The following NCAM2 variants were observed in gnomAD, a reference collection of about 807,000 sequenced individuals.
NCAM2 encodes the protein N-CAM-2.
A neutral mutation model predicts 98.1 loss-of-function variants in NCAM2; 30 were observed. That is an observed-to-expected ratio of 0.31 (90% CI 0.23 to 0.41). The LOEUF is 0.41. NCAM2 is among the 10% of genes least tolerant of loss of function. The probability of loss-of-function intolerance (pLI) is 1.00; values close to 1 mark genes in which losing one functional copy is unlikely to be tolerated. For missense variants in NCAM2, 867 were observed against 1,005.8 expected (o/e 0.86, Z 1.87); for synonymous variants, 368 against 342.4 (o/e 1.07, Z -0.83).
chr21:21,438,741 C>A (rs927853105), intron 12 of NCAM2, among the ~76,000 whole-genome samples: 2 of 152,024 alleles, frequency 1.3e-5, no homozygotes, highest in African/African-American at 4.8e-5. Context: ...TTACAAACAG[C>A]TACTCTTTTT....
In NCAM2 at chr21:21,125,490, A is replaced by G. The variant is rs1412412398; in HGVS notation, c.55+126872A>G. Among the ~76,000 whole-genome samples the G allele has an allele frequency of 3.0e-3, 208 of 69,740 alleles. 22 individuals are homozygous for G. Among genetic ancestry groups the G allele is most frequent in the African/African-American group, 0.01 (203 of 20,070 alleles). 45.8% of individuals were successfully genotyped at this position (69,740 alleles called of 152,430 possible). A position where few individuals can be genotyped will look rare whatever the true frequency, so the allele number is the denominator to read the frequency against. ...GATATATATATCTATATATAGATAT[A>G]TATGTAATATGTAATATTTTACATA... is the stretch of plus-strand genomic sequence containing the variant. On this transcript the variant is annotated intron_variant, in intron 1 of 17. Coordinates refer to ENST00000400546, the MANE Select transcript of NCAM2 (RefSeq NM_004540.5).
chr21:21,326,368 A>G (rs942801551), intron 6 of NCAM2, among the ~76,000 whole-genome samples: 1 of 152,178 alleles, frequency 6.6e-6, no homozygotes, highest in Non-Finnish European at 1.5e-5. Flanking sequence ...TAATATTAGA[A>G]CACTTACCAT....
intron 7 of NCAM2, 146 bp from the exon 8 acceptor site, chr21:21,338,243 C>T: frequency 1.4e-6 from 1 of 691,366 alleles, no homozygotes; most frequent in Non-Finnish European, 2.3e-6. Context: ...CCTGGTACGT[C>T]TGTAAGGCAA....
At chr21:21,479,983 G>C (rs1985685866) in intron 15 of NCAM2, among the ~76,000 whole-genome samples, 1 of 152,008 alleles carries the variant, frequency 6.6e-6, no homozygotes, top group Admixed American at 6.6e-5. Context: ...TGAGTACAAA[G>C]GATTTATCTG....
At chr21:21,363,403 C>A (rs1264162421) in intron 8 of NCAM2, among the ~76,000 whole-genome samples, 2 of 152,016 alleles carry the variant, frequency 1.3e-5, no homozygotes, top group Non-Finnish European at 2.9e-5. Context: ...ATACAATTTG[C>A]CTCAATTTTC....
At chr21:21,364,006 G>C (rs2075721563) in intron 8 of NCAM2, among the ~76,000 whole-genome samples, 1 of 151,962 alleles carries the variant, frequency 6.6e-6, no homozygotes, top group Non-Finnish European at 1.5e-5. Flanking sequence ...TAAATTACCT[G>C]TTCTTCATGG....
intron 1 of NCAM2, among the ~76,000 whole-genome samples, chr21:21,229,476 C>T (rs532527029): frequency 6.6e-6 from 1 of 151,456 alleles, no homozygotes; most frequent in African/African-American, 2.4e-5. Context: ...GTGTTGTGGA[C>T]ATTTGCAGAT....
In NCAM2 at chr21:20,998,574, T is replaced by C; in HGVS notation, c.11T>C (p.Leu4Pro). Reference sequence around the variant, plus strand: ...TGTCACGTCCTGAACATGAGCCTCCTCCTCTCCTTCTACCTGCTGGGGTTG... The same window carrying C: ...TGTCACGTCCTGAACATGAGCCTCCCCCTCTCCTTCTACCTGCTGGGGTTG... MSL[L>P]LSFYLLGLLV... The change falls in exon 1 of 18, where the codon CTC (leucine) becomes CCC (proline). Residue 4 changes from leucine to proline, a missense_variant. Coordinates refer to ENST00000400546, the MANE Select transcript of NCAM2 (RefSeq NM_004540.5). 1 of 1,614,020 alleles carries C rather than the reference T, an allele frequency of 6.2e-7. No homozygotes were observed. The highest frequency in any genetic ancestry group is 8.5e-7 in the Non-Finnish European group (1 of 1,179,968).
chr21:21,498,748 G>A (rs1987425275), intron 15 of NCAM2, among the ~76,000 whole-genome samples: 1 of 152,102 alleles, frequency 6.6e-6, no homozygotes, highest in Non-Finnish European at 1.5e-5. Flanking sequence ...GATTCACTTT[G>A]TAACAATCTT....
intron 12 of NCAM2, among the ~76,000 whole-genome samples, chr21:21,459,522 TTATA>T (rs1295937820): frequency 6.7e-6 from 1 of 148,266 alleles, no homozygotes; most frequent in Non-Finnish European, 1.5e-5. Flanking sequence ...TTTATATATA[TTATA>T]TATAATATTG....
chr21:21,024,648 G>A (rs569153980), intron 1 of NCAM2, among the ~76,000 whole-genome samples: 37 of 152,190 alleles, frequency 2.4e-4, no homozygotes, highest in Non-Finnish European at 4.4e-4. Context: ...AGGCCGAGGC[G>A]GATGATAACC....
intron 1 of NCAM2, among the ~76,000 whole-genome samples, chr21:21,085,175 T>TGTTGTTATTGTAATG (rs1166898964): frequency 1.3e-5 from 2 of 150,994 alleles, no homozygotes; most frequent in Non-Finnish European, 2.9e-5. Context: ...GTTATTGTAA[T>TGTTGTTATTGTAATG]TAACCATTAT....
At chr21:21,213,644 C>A (rs1271664190) in intron 1 of NCAM2, among the ~76,000 whole-genome samples, 1 of 152,168 alleles carries the variant, frequency 6.6e-6, no homozygotes, top group Non-Finnish European at 1.5e-5. Context: ...TCTCCAAAGA[C>A]TCAGGCCCAT....
At chr21:21,177,965 C>T (rs1046521937) in intron 1 of NCAM2, among the ~76,000 whole-genome samples, 1 of 151,922 alleles carries the variant, frequency 6.6e-6, no homozygotes, top group Non-Finnish European at 1.5e-5. Flanking sequence ...TTGATAATGT[C>T]TGTCACATAT....
At chr21:21,483,538 A>G (rs78102081) in intron 15 of NCAM2, among the ~76,000 whole-genome samples, 9 of 152,046 alleles carry the variant, frequency 5.9e-5, no homozygotes, top group Non-Finnish European at 1.3e-4. Flanking sequence ...AGATAATTCA[A>G]CATGAACAGA....
chr21:21,256,853 A>T (rs1361415347), intron 1 of NCAM2, among the ~76,000 whole-genome samples: 2 of 152,202 alleles, frequency 1.3e-5, no homozygotes, highest in Non-Finnish European at 2.9e-5. Flanking sequence ...CAGTTTCATA[A>T]AATGTTACCT....
At chr21:21,209,183 C>T (rs1187158562) in intron 1 of NCAM2, among the ~76,000 whole-genome samples, 2 of 151,542 alleles carry the variant, frequency 1.3e-5, no homozygotes, top group Non-Finnish European at 3.0e-5. Flanking sequence ...GAATTTATTG[C>T]CATTTCTAGG....
intron 1 of NCAM2, among the ~76,000 whole-genome samples, chr21:21,099,587 C>A (rs889205689): frequency 6.6e-6 from 1 of 151,810 alleles, no homozygotes; most frequent in Admixed American, 6.6e-5. Context: ...GTAACAGACC[C>A]CATAATTCAA....
intron 1 of NCAM2, among the ~76,000 whole-genome samples, chr21:21,102,644 A>AAAGT (rs1472027000): frequency 7.2e-6 from 1 of 139,532 alleles, no homozygotes; most frequent in Non-Finnish European, 1.5e-5. Context: ...AGAAAGGAAA[A>AAAGT]TACTTGAGTT....
Sources: gnomAD v4.1 joint callset for allele counts (sites outside exome capture counted in the v4.1 genomes callset) on GRCh38, gnomAD v4.1.1 for gene constraint, MANE v1.5 for transcripts, NCBI Gene and HGNC (gene_info 2026-07-23, HGNC 2026-07-21) for gene names.